Variants in MRPL42 observed in about 807,000 individuals in gnomAD.
MRPL42 encodes the protein large ribosomal subunit protein mL42.
A neutral mutation model predicts 17.9 loss-of-function variants in MRPL42; 17 were observed. The ratio of observed to expected loss-of-function variants is 0.95; its 90% confidence interval spans 0.65 to 1.42. The LOEUF is 1.42. Among genes scored for constraint, MRPL42 ranks in the 40% most tolerant of loss-of-function variants. The probability of loss-of-function intolerance (pLI) is 0.00; values close to 1 mark genes in which losing one functional copy is unlikely to be tolerated. For missense variants in MRPL42, 177 were observed against 175.2 expected (o/e 1.01, Z -0.06); for synonymous variants, 59 against 54.4 (o/e 1.08, Z -0.37).
intron 5 of MRPL42, 139 bp from the exon 6 acceptor site, chr12:93,501,037 C>A: frequency 3.3e-6 from 2 of 604,120 alleles, no homozygotes; most frequent in East Asian, 3.5e-5. Flanking sequence ...TGGCTTATTA[C>A]TAAGAAATGG....
rs1238782044 is a variant in MRPL42 at position 93,515,620 on chromosome 12, CGGCCTCCCAAA to C, written c.*14402_*14412del. The C allele has an allele frequency of 3.9e-5, 6 of 152,288 alleles. No homozygotes were observed. The highest frequency in any genetic ancestry group is 8.8e-5 in the Non-Finnish European group (6 of 68,050). The allele number at this position is 152,288 out of a possible 1,614,324, so 9.4% of individuals were successfully genotyped here. A position where few individuals can be genotyped will look rare whatever the true frequency, so the allele number is the denominator to read the frequency against. ...CTGACCTCAAGTGATTCGCCCGCGT[CGGCCTCCCAAA>C]GGGCTGGGATTACAGACATCAGCCA... On this transcript the variant is annotated 3_prime_UTR_variant, in exon 6 of 6. Coordinates refer to ENST00000549982, the MANE Select transcript of MRPL42 (RefSeq NM_014050.4).
intron 2 of MRPL42, among the ~76,000 whole-genome samples, chr12:93,475,781 G>A (rs1177270990): frequency 2.0e-5 from 3 of 151,904 alleles, no homozygotes; most frequent in Non-Finnish European, 4.4e-5. Flanking sequence ...TCAGGAGATC[G>A]AGACCATCCT....
At chr12:93,496,040 C>A (rs1846392) in intron 5 of MRPL42, among the ~76,000 whole-genome samples, 101,981 of 152,024 alleles carry the variant, frequency 0.67, 34,449 homozygotes, top group Middle Eastern at 0.72. Context: ...GAAAATTACA[C>A]AACAGATGTT....
chr12:93,471,363 C>T (rs896250855), intron 2 of MRPL42, among the ~76,000 whole-genome samples: 10 of 152,022 alleles, frequency 6.6e-5, no homozygotes, highest in Admixed American at 6.6e-4. Flanking sequence ...AAAGTTTCAC[C>T]ATGTTGGCCA....
Position 93,510,012 on chromosome 12 carries a change from T to C in MRPL42, c.*8791T>C, listed in dbSNP as rs577287125. 1 of 152,124 alleles carries C rather than the reference T, an allele frequency of 6.6e-6. No homozygotes were observed. Among genetic ancestry groups the C allele is most frequent in the Non-Finnish European group, 1.5e-5 (1 of 68,044 alleles). The allele number at this position is 152,124 out of a possible 1,614,324, so 9.4% of individuals were successfully genotyped here. A position where few individuals can be genotyped will look rare whatever the true frequency, so the allele number is the denominator to read the frequency against. Reference sequence around the variant, plus strand: ...TCTTGGTGCTGTACAATCTATGGGTTTGAACAAAGGTACAATGACATGTAT... The same window carrying C: ...TCTTGGTGCTGTACAATCTATGGGTCTGAACAAAGGTACAATGACATGTAT... On this transcript the variant is annotated 3_prime_UTR_variant, in exon 6 of 6. Coordinates refer to ENST00000549982, the MANE Select transcript of MRPL42 (RefSeq NM_014050.4).
In MRPL42 at chr12:93,509,834, G is replaced by C. The variant is rs1454921017; in HGVS notation, c.*8613G>C. On this transcript the variant is annotated 3_prime_UTR_variant, in exon 6 of 6. Transcript: ENST00000549982. ...TAGGTTCTGAGCAAAATTGAGAGGA[G>C]GGTACAGAAATAACTTATATATCCT... 6.6e-6 allele frequency: 1 copy of C among 151,956 alleles called. No homozygotes were observed. The allele number at this position is 151,956 out of a possible 1,614,324, so 9.4% of individuals were successfully genotyped here. A position where few individuals can be genotyped will look rare whatever the true frequency, so the allele number is the denominator to read the frequency against.
At chr12:93,468,369 T>C (rs962867280) in intron 1 of MRPL42, among the ~76,000 whole-genome samples, 1 of 152,214 alleles carries the variant, frequency 6.6e-6, no homozygotes, top group African/African-American at 2.4e-5. Context: ...AATGGTTATT[T>C]GTCATTTATT....
rs1248762356 is a variant in MRPL42 at position 93,512,154 on chromosome 12, A to T, written c.*10933A>T. On this transcript the variant is annotated 3_prime_UTR_variant, in exon 6 of 6. Coordinates refer to ENST00000549982, the MANE Select transcript of MRPL42 (RefSeq NM_014050.4). ...AAGAAGCCAGTTTGGTCCCAGCTTT[A>T]TAAAGATATACATTGGGCTGGGTGC... 6.6e-6 allele frequency: 1 copy of T among 152,204 alleles called. No individual in the cohort carries two copies. The highest frequency in any genetic ancestry group is 1.5e-5 in the Non-Finnish European group (1 of 68,040). 9.4% of individuals were successfully genotyped at this position (152,204 alleles called of 1,614,324 possible). A position where few individuals can be genotyped will look rare whatever the true frequency, so the allele number is the denominator to read the frequency against.
intron 4 of MRPL42, among the ~76,000 whole-genome samples, chr12:93,483,556 T>C (rs1232442963): frequency 6.6e-6 from 1 of 152,176 alleles, no homozygotes; most frequent in African/African-American, 2.4e-5. Flanking sequence ...AAATGTGCTA[T>C]AAAAGATAAA....
intron 5 of MRPL42, 30 bp from the exon 6 acceptor site, chr12:93,501,146 T>C (rs1953588330): frequency 1.3e-6 from 2 of 1,513,664 alleles, no homozygotes; most frequent in Admixed American, 2.1e-5. Context: ...ATTAAAATCA[T>C]CTTATTCCAA....
rs139346512 is a variant in MRPL42, at chr12:93,513,078, A to G, written c.*11857A>G. 1.3e-5 allele frequency: 2 copies of G among 152,260 alleles called. No homozygotes were observed. The highest frequency in any genetic ancestry group is 3.9e-4 in the East Asian group (2 of 5,194). 9.4% of individuals were successfully genotyped at this position (152,260 alleles called of 1,614,324 possible). A position where few individuals can be genotyped will look rare whatever the true frequency, so the allele number is the denominator to read the frequency against. ...GAATAATATTTTTTAAAAACCATGG[A>G]AACAGTTTAGATATACATCAATCCA... On this transcript the variant is annotated 3_prime_UTR_variant, in exon 6 of 6. Transcript: ENST00000549982.
At chr12:93,473,808 T>C (rs1880024950) in intron 2 of MRPL42, among the ~76,000 whole-genome samples, 1 of 152,040 alleles carries the variant, frequency 6.6e-6, no homozygotes, top group South Asian at 2.1e-4. Context: ...GTTCAAGTGA[T>C]CCACCTGCCT....
In MRPL42 at chr12:93,505,896, T is replaced by C. The variant is rs1394777125; in HGVS notation, c.*4675T>C. 1 of 153,304 alleles carries C rather than the reference T, an allele frequency of 6.5e-6. No homozygotes were observed. Among genetic ancestry groups the C allele is most frequent in the Non-Finnish European group, 1.4e-5 (1 of 69,336 alleles). 9.5% of individuals were successfully genotyped at this position (153,304 alleles called of 1,614,324 possible). A position where few individuals can be genotyped will look rare whatever the true frequency, so the allele number is the denominator to read the frequency against. ...TGTGAGAATAGCAAGTAGAACCTTATGATTACTTCTGAGTCTTTTTTTTTT... is the reference window on the plus strand; with the variant it reads ...TGTGAGAATAGCAAGTAGAACCTTACGATTACTTCTGAGTCTTTTTTTTTT... On this transcript the variant is annotated 3_prime_UTR_variant, in exon 6 of 6. Coordinates refer to ENST00000549982, the MANE Select transcript of MRPL42 (RefSeq NM_014050.4).
Position 93,509,982 on chromosome 12 carries a change from T to A in MRPL42, c.*8761T>A, listed in dbSNP as rs936332091. On this transcript the variant is annotated 3_prime_UTR_variant, in exon 6 of 6. Transcript: ENST00000549982. ...CCAAAGCCTATTGTTTCCATTAGGG[T>A]TCACTCTTGGTGCTGTACAATCTAT... The A allele has an allele frequency of 3.3e-5, 5 of 152,090 alleles. No homozygotes were observed. Among genetic ancestry groups the A allele is most frequent in the Admixed American group, 2.6e-4 (4 of 15,262 alleles). 9.4% of individuals were successfully genotyped at this position (152,090 alleles called of 1,614,324 possible).
intron 5 of MRPL42, among the ~76,000 whole-genome samples, chr12:93,500,258 T>A (rs958700805): frequency 7.2e-5 from 11 of 152,202 alleles, no homozygotes; most frequent in Non-Finnish European, 1.2e-4. Flanking sequence ...TGGGACAGAG[T>A]GCTAGAAGAG....
chr12:93,482,345 A>G (rs1467261811), intron 4 of MRPL42, among the ~76,000 whole-genome samples: 1 of 152,026 alleles, frequency 6.6e-6, no homozygotes, highest in Non-Finnish European at 1.5e-5. Flanking sequence ...AGCATTTATC[A>G]TTTCTAGCAT....
chr12:93,469,768 T>C (rs774792447), intron 2 of MRPL42, among the ~76,000 whole-genome samples: 6 of 152,306 alleles, frequency 3.9e-5, no homozygotes, highest in African/African-American at 9.6e-5. Context: ...CATCTATATA[T>C]ATCTATCATA....
In MRPL42 at chr12:93,515,006, C is replaced by G. The variant is rs1184341643; in HGVS notation, c.*13785C>G. The G allele has an allele frequency of 6.6e-6, 1 of 152,182 alleles. No individual in the cohort carries two copies. The highest frequency in any genetic ancestry group is 1.5e-5 in the Non-Finnish European group (1 of 68,024). The allele number at this position is 152,182 out of a possible 1,614,324, so 9.4% of individuals were successfully genotyped here. ...AAATAGTCTCCAAACTCAGCTGATTCCTTCTGCAGATACACTCTCCACCCT... is the reference window on the plus strand; with the variant it reads ...AAATAGTCTCCAAACTCAGCTGATTGCTTCTGCAGATACACTCTCCACCCT... On this transcript the variant is annotated 3_prime_UTR_variant, in exon 6 of 6. Coordinates refer to ENST00000549982, the MANE Select transcript of MRPL42 (RefSeq NM_014050.4).
At position 93,481,335 on chromosome 12, in the gene MRPL42, T is replaced by A. The variant is rs147566845; in HGVS notation, c.219+1863T>A. On this transcript the variant is annotated intron_variant, in intron 4 of 5. Transcript: ENST00000549982. ...AGCAGTTCTTTTAAGTAGTTGCTGT[T>A]TTCTCTCGCATACTCTTTTACCACT... 1.8e-4 allele frequency among the ~76,000 whole-genome samples: 27 copies of A among 152,316 alleles called. No individual in the cohort carries two copies. The East Asian group carries it at 4.4e-3, about 25-fold the overall frequency.
Sources: gnomAD v4.1 joint callset for allele counts (sites outside exome capture counted in the v4.1 genomes callset) on GRCh38, gnomAD v4.1.1 for gene constraint, MANE v1.5 for transcripts, NCBI Gene and HGNC (gene_info 2026-07-23, HGNC 2026-07-21) for gene names.